FAM168A: variants seen among roughly 807,000 people sequenced by gnomAD.
FAM168A encodes the protein protein FAM168A.
A neutral mutation model predicts 28.5 loss-of-function variants in FAM168A; 3 were observed. The ratio of observed to expected loss-of-function variants is 0.11; its 90% CI spans 0.05 to 0.27. The LOEUF (loss-of-function observed/expected upper bound fraction) is 0.27, where lower values mean the gene tolerates loss of function less well. FAM168A is among the 10% of genes least tolerant of loss of function. The pLI, the probability that FAM168A is intolerant of heterozygous loss-of-function variation, is 1.00. For missense variants in FAM168A, 222 were observed against 311.5 expected, an observed-to-expected ratio of 0.71 and a Z score of 2.16; for synonymous variants, 122 against 124.2, an observed-to-expected ratio of 0.98 and a Z score of 0.12.
At chr11:73,448,711 C>T (rs117765360) in intron 2 of FAM168A, among the ~76,000 whole-genome samples, 23 of 152,270 alleles carry the variant, frequency 1.5e-4, no homozygotes, top group Non-Finnish European at 1.8e-4. Flanking sequence ...AGACATTACT[C>T]GTGTTCCTCT....
At chr11:73,523,864 A>AT (rs112025313) in intron 1 of FAM168A, among the ~76,000 whole-genome samples, 112,672 of 145,138 alleles carry the variant, frequency 0.78, 45,860 homozygotes, top group East Asian at 0.94. Context: ...CTTTTCCCCT[A>AT]TTTTTTTTTT....
chr11:73,409,647 T>C lies in FAM168A; in HGVS notation c.435A>G (p.Thr145=), dbSNP rs772593525. The C allele has an allele frequency of 1.1e-5, 18 of 1,605,552 alleles. No individual in the cohort carries two copies. Among genetic ancestry groups the C allele is most frequent in the Non-Finnish European group, 1.4e-5 (16 of 1,175,556 alleles). Residue 145 remains threonine (T), a synonymous_variant, in exon 6 of 8, where the codon ACA becomes ACG. Coordinates refer to ENST00000356467, the MANE Select transcript of FAM168A (RefSeq NM_015159.3). ...GAGGCTGGGCAGCATACACCGGCTG[T>C]GTGTAGTAGGCTCCCTGGGGGAAAG... ...QNLYAQGAYY[T]QPVYAAQPHV...
chr11:73,447,106 C>A (rs1867331015), intron 2 of FAM168A, among the ~76,000 whole-genome samples: 1 of 152,196 alleles, frequency 6.6e-6, no homozygotes, highest in African/African-American at 2.4e-5. Flanking sequence ...CTTTTCAATG[C>A]TCAGATAGTC....
intron 1 of FAM168A, among the ~76,000 whole-genome samples, chr11:73,562,143 A>G (rs1223138207): frequency 6.6e-6 from 1 of 152,174 alleles, no homozygotes; most frequent in African/African-American, 2.4e-5. Context: ...GGGTTTCACC[A>G]TGTTGGTCAG....
At chr11:73,453,566 A>C (rs1867471304) in intron 2 of FAM168A, among the ~76,000 whole-genome samples, 2 of 152,242 alleles carry the variant, frequency 1.3e-5, no homozygotes, top group Non-Finnish European at 2.9e-5. Context: ...TCACATTTAA[A>C]AGGTTCTTCC....
intron 1 of FAM168A, among the ~76,000 whole-genome samples, chr11:73,521,466 A>G (rs1426911916): frequency 2.6e-5 from 4 of 152,138 alleles, no homozygotes; most frequent in Admixed American, 6.5e-5. Flanking sequence ...ATTAGAAAAA[A>G]AAAACAAAAA....
chr11:73,567,224 T>G (rs1944031568), intron 1 of FAM168A, among the ~76,000 whole-genome samples: 1 of 152,200 alleles, frequency 6.6e-6, no homozygotes, highest in South Asian at 2.1e-4. Context: ...ACTTAGTGAC[T>G]GAAGGAATAT....
At chr11:73,409,263 A>G (rs1288379394) in intron 6 of FAM168A, among the ~76,000 whole-genome samples, 1 of 151,836 alleles carries the variant, frequency 6.6e-6, no homozygotes. Context: ...TCACTTCTCT[A>G]GTTAGCCTGT....
intron 1 of FAM168A, among the ~76,000 whole-genome samples, chr11:73,517,579 T>C (rs1237940268): frequency 2.0e-5 from 3 of 152,146 alleles, no homozygotes; most frequent in Non-Finnish European, 4.4e-5. Context: ...TGGATTGTGA[T>C]TGTCCATTAG....
rs539509998 is a variant in FAM168A, at chr11:73,462,528, G to A, written c.70+5877C>T. Among the ~76,000 whole-genome samples, 98 of 152,248 alleles carry A rather than the reference G, an allele frequency of 6.4e-4. 1 individual carries two copies. The South Asian group carries it at 0.019, about 30-fold the overall frequency. On this transcript the variant is annotated intron_variant, in intron 2 of 7. Transcript: ENST00000356467. Reference sequence around the variant, plus strand: ...AGGAGTTCTGTGAATCAATAGTGACGACAGTTGCAAAACAATATGAATGTA... The same window carrying A: ...AGGAGTTCTGTGAATCAATAGTGACAACAGTTGCAAAACAATATGAATGTA...
chr11:73,461,735 C>T (rs959511268), intron 2 of FAM168A, among the ~76,000 whole-genome samples: 2 of 151,996 alleles, frequency 1.3e-5, no homozygotes, highest in Non-Finnish European at 2.9e-5. Flanking sequence ...ACGATTATGG[C>T]TATGTTATGT....
intron 1 of FAM168A, among the ~76,000 whole-genome samples, chr11:73,584,537 A>T (rs1374690687): frequency 2.1e-5 from 3 of 145,066 alleles, no homozygotes; most frequent in Admixed American, 7.1e-5. Flanking sequence ...GCAGTGGCGC[A>T]ATCTCGGCTC....
Position 73,401,619 on chromosome 11 carries a change from CCTG to C in FAM168A, c.*5141_*5143del, listed in dbSNP as rs749742176. On this transcript the variant is annotated 3_prime_UTR_variant, in exon 8 of 8. Transcript: ENST00000356467. ...TGTTCTCCTTAGGAAGGAAAATCCC[CCTG>C]CTATCAGTGGCTGGAATGGGTAGAG... The C allele has an allele frequency of 3.9e-5, 6 of 152,220 alleles. No homozygotes were observed. Among genetic ancestry groups the C allele is most frequent in the Non-Finnish European group, 8.8e-5 (6 of 68,054 alleles). 9.4% of individuals were successfully genotyped at this position (152,220 alleles called of 1,614,324 possible).
At chr11:73,552,374 T>A (rs1252770962) in intron 1 of FAM168A, among the ~76,000 whole-genome samples, 2 of 152,218 alleles carry the variant, frequency 1.3e-5, no homozygotes, top group East Asian at 3.8e-4. Context: ...TTTAACACTC[T>A]CCTTTGTATT....
chr11:73,511,080 C>T (rs148135167), intron 1 of FAM168A, among the ~76,000 whole-genome samples: 115 of 152,240 alleles, frequency 7.6e-4, no homozygotes, highest in African/African-American at 2.7e-3. Flanking sequence ...AGGTACCAGT[C>T]AGGAGCCTGG....
chr11:73,519,176 T>C (rs1248395390), intron 1 of FAM168A, among the ~76,000 whole-genome samples: 2 of 152,142 alleles, frequency 1.3e-5, no homozygotes, highest in African/African-American at 2.4e-5. Flanking sequence ...CATCAAGAGG[T>C]AGATACTATT....
chr11:73,455,901 C>T (rs1354849658), intron 2 of FAM168A, among the ~76,000 whole-genome samples: 1 of 152,150 alleles, frequency 6.6e-6, no homozygotes, highest in Non-Finnish European at 1.5e-5. Context: ...TGCAATCTCC[C>T]AATTTTCTGA....
At chr11:73,561,097 G>T (rs183565978) in intron 1 of FAM168A, among the ~76,000 whole-genome samples, 1,713 of 148,506 alleles carry the variant, frequency 0.012, 16 homozygotes, top group Non-Finnish European at 0.018. Context: ...GACCGGGCGC[G>T]GTGGCGGTGG....
At chr11:73,493,214 G>A (rs1183626807) in intron 1 of FAM168A, among the ~76,000 whole-genome samples, 2 of 152,058 alleles carry the variant, frequency 1.3e-5, no homozygotes, top group African/African-American at 4.8e-5. Context: ...AAAAGTCCTG[G>A]TGGCAGACAA....
Sources: allele counts gnomAD v4.1 joint callset (sites outside exome capture counted in the v4.1 genomes callset), GRCh38; gene constraint gnomAD v4.1.1; transcripts MANE v1.5; gene names NCBI Gene and HGNC (gene_info 2026-07-23, HGNC 2026-07-21).